CPB2: variants seen among roughly 807,000 people sequenced by gnomAD.
CPB2 encodes the protein carboxypeptidase B-like protein.
In CPB2, 54 loss-of-function variants were observed where a neutral mutation model predicts 57.0. That is an observed-to-expected ratio of 0.95 (90% CI 0.76 to 1.19). CPB2 has a LOEUF of 1.19. Ranked by LOEUF, CPB2 falls within the 50% of genes most tolerant of loss-of-function variation. CPB2 has a pLI of 0.00. For missense variants in CPB2, 426 were observed against 512.0 expected (o/e 0.83, Z 1.62); for synonymous variants, 189 against 178.1 (o/e 1.06, Z -0.49).
At chr13:46,065,954 A>C (rs1223238918) in intron 7 of CPB2, among the ~76,000 whole-genome samples, 1 of 152,204 alleles carries the variant, frequency 6.6e-6, no homozygotes, top group African/African-American at 2.4e-5. Context: ...TTGGACACCA[A>C]ATTTGTGTTA....
Position 46,068,693 on chromosome 13 carries a change from G to T in CPB2, c.592-1276C>A, listed in dbSNP as rs541057398. ...TTCTCCTAATGCTCTCCCTCCCCTA[G>T]CCCCCCACCCCCGACAGGCCCCGGT... On this transcript the variant is annotated intron_variant, in intron 6 of 10. Coordinates refer to ENST00000181383, the MANE Select transcript of CPB2 (RefSeq NM_001872.5). Among the ~76,000 whole-genome samples the T allele has an allele frequency of 5.0e-5, 7 of 140,500 alleles. No homozygotes were observed. The South Asian group carries it at 1.4e-3, about 28-fold the overall frequency. The allele number at this position is 140,500 out of a possible 152,430, so 92.2% of individuals were successfully genotyped here. A position where few individuals can be genotyped will look rare whatever the true frequency, so the allele number is the denominator to read the frequency against.
chr13:46,070,057 A>G (rs1426853269), intron 6 of CPB2, among the ~76,000 whole-genome samples: 1 of 152,206 alleles, frequency 6.6e-6, no homozygotes, highest in East Asian at 1.9e-4. Context: ...TGATTTTTTG[A>G]CTTTACAATA....
At chr13:46,081,206 T>C (rs931870065) in intron 4 of CPB2, among the ~76,000 whole-genome samples, 3 of 152,142 alleles carry the variant, frequency 2.0e-5, no homozygotes, top group African/African-American at 7.2e-5. Flanking sequence ...TATTTTTTCC[T>C]CCTGTGTCAT....
At position 46,058,436 on chromosome 13, in the gene CPB2, T is replaced by G; in HGVS notation, c.797-55A>C. The G allele has an allele frequency of 2.6e-6, 4 of 1,518,268 alleles. No homozygotes were observed. The South Asian group carries it at 4.6e-5, about 17-fold the overall frequency. The allele number at this position is 1,518,268 out of a possible 1,614,324, so 94.0% of individuals were successfully genotyped here. The stretch of plus-strand genomic sequence containing the variant: ...GAGGGGATGCACATAGTACTGTAAT[T>G]TGTGGTTTCCCAGACAACGTATTCT... On this transcript the variant is annotated intron_variant, in intron 8 of 10. Coordinates refer to ENST00000181383, the MANE Select transcript of CPB2 (RefSeq NM_001872.5).
chr13:46,102,417 T>C (rs1367128457), intron 1 of CPB2, among the ~76,000 whole-genome samples: 5 of 152,060 alleles, frequency 3.3e-5, no homozygotes, highest in African/African-American at 1.2e-4. Context: ...ATATGATATT[T>C]ATGCCTTTAA....
intron 2 of CPB2, among the ~76,000 whole-genome samples, chr13:46,087,296 C>T (rs889617337): frequency 2.7e-4 from 41 of 152,242 alleles, no homozygotes; most frequent in Non-Finnish European, 5.6e-4. Context: ...ATGGCAGCAG[C>T]CGCTCTAGAT....
intron 7 of CPB2, among the ~76,000 whole-genome samples, chr13:46,065,880 T>G (rs917259474): frequency 6.6e-6 from 1 of 152,116 alleles, no homozygotes; most frequent in Non-Finnish European, 1.5e-5. Flanking sequence ...GTGACTGAAT[T>G]CCACTGTGAT....
intron 5 of CPB2, among the ~76,000 whole-genome samples, chr13:46,075,378 C>T (rs17844224): frequency 0.01 from 1,590 of 152,288 alleles, 30 homozygotes; most frequent in African/African-American, 0.037. Context: ...GTTCTGACAC[C>T]GAAAAGTTGG....
rs1377556720 is a variant in CPB2 at position 46,078,796 on chromosome 13, A to G, written c.486+4T>C. 4 of 1,579,786 alleles carry G rather than the reference A, an allele frequency of 2.5e-6. No homozygotes were observed. The highest frequency in any genetic ancestry group is 3.3e-5 in the Admixed American group (2 of 59,932). On this transcript the variant is annotated splice_donor_region_variant and intron_variant, in intron 5 of 10. Coordinates refer to ENST00000181383, the MANE Select transcript of CPB2 (RefSeq NM_001872.5). ...AAAGATCAACAACTTTCCCCACAAC[A>G]TACCTTTAAAACATAGAGTGGGTAC...
chr13:46,090,157 T>TC (rs902760892), intron 1 of CPB2, among the ~76,000 whole-genome samples: 15 of 151,340 alleles, frequency 9.9e-5, no homozygotes, highest in Non-Finnish European at 1.6e-4. Context: ...CCTGCCCAAT[T>TC]CTTTTTTTTT....
At chr13:46,104,635 A>G (rs1408155621) in intron 1 of CPB2, among the ~76,000 whole-genome samples, 1 of 152,240 alleles carries the variant, frequency 6.6e-6, no homozygotes, top group Non-Finnish European at 1.5e-5. Context: ...AAGTTAGAGT[A>G]TAAATAGTTA....
chr13:46,103,695 CT>C (rs1199162061), intron 1 of CPB2, among the ~76,000 whole-genome samples: 2 of 150,754 alleles, frequency 1.3e-5, no homozygotes, highest in Non-Finnish European at 2.9e-5. Flanking sequence ...TCCCTTTCCC[CT>C]AACTGTCAAT....
intron 8 of CPB2, among the ~76,000 whole-genome samples, chr13:46,063,986 GCACAGTGGCC>G (rs2044814739): frequency 6.6e-6 from 1 of 152,020 alleles, no homozygotes; most frequent in African/African-American, 2.4e-5. Context: ...TCCAGGCCAG[GCACAGTGGCC>G]CACTCCTGTG....
intron 3 of CPB2, among the ~76,000 whole-genome samples, chr13:46,082,947 G>C (rs1331787654): frequency 6.6e-6 from 1 of 151,466 alleles, no homozygotes; most frequent in African/African-American, 2.4e-5. Flanking sequence ...AAGCAGAAAA[G>C]CCTTTTCTTT....
In CPB2 at chr13:46,078,793, A is replaced by C. The variant is rs764828599; in HGVS notation, c.486+7T>G. ...GTGAAAGATCAACAACTTTCCCCAC[A>C]ACATACCTTTAAAACATAGAGTGGG... is the stretch of plus-strand genomic sequence containing the variant. On this transcript the variant is annotated splice_region_variant and intron_variant, in intron 5 of 10. Transcript: ENST00000181383. The C allele has an allele frequency of 1.3e-6, 2 of 1,573,706 alleles. No individual in the cohort carries two copies. The highest frequency in any genetic ancestry group is 1.7e-6 in the Non-Finnish European group (2 of 1,143,768).
At chr13:46,082,700 C>T (rs1367214440) in intron 3 of CPB2, 151 bp from the exon 4 acceptor site, 3 of 531,074 alleles carry the variant, frequency 5.6e-6, no homozygotes, top group East Asian at 3.1e-5. Context: ...AGACATCTCG[C>T]ATTGTGGTAA....
chr13:46,093,857 C>A (rs933325159), intron 1 of CPB2, among the ~76,000 whole-genome samples: 2 of 152,012 alleles, frequency 1.3e-5, no homozygotes, highest in African/African-American at 2.4e-5. Flanking sequence ...TACAATTATA[C>A]CCAGGGAGGT....
At chr13:46,088,151 T>C (rs17844025) in intron 1 of CPB2, among the ~76,000 whole-genome samples, 3,393 of 152,344 alleles carry the variant, frequency 0.022, 53 homozygotes, top group South Asian at 0.049. Context: ...TGATCCTAGT[T>C]AATTATACAA....
chr13:46,067,486 CT>C (rs1342374716), intron 6 of CPB2, 69 bp from the exon 7 acceptor site: 31 of 808,030 alleles, frequency 3.8e-5, no homozygotes, highest in South Asian at 4.9e-5. Flanking sequence ...GTTTCTTTTT[CT>C]TTTTTTTAAT....
Sources: gnomAD v4.1 joint callset for allele counts (sites outside exome capture counted in the v4.1 genomes callset) on GRCh38, gnomAD v4.1.1 for gene constraint, MANE v1.5 for transcripts, NCBI Gene and HGNC (gene_info 2026-07-23, HGNC 2026-07-21) for gene names.